The following TXLNB variants were observed in gnomAD, a reference collection of about 807,000 sequenced individuals.
The protein encoded by TXLNB is taxilin beta, also known as beta-taxilin.
TXLNB carries 37 observed loss-of-function variants against 57.4 expected under a neutral mutation model. The ratio of observed to expected loss-of-function variants is 0.64; its 90% CI spans 0.50 to 0.85. TXLNB has a LOEUF of 0.85. Among genes scored for constraint, TXLNB ranks in the 40% least tolerant of loss-of-function variants. The pLI is 0.00. For synonymous variants in TXLNB, 302 were observed against 309.6 expected, an observed-to-expected ratio of 0.98 and a Z score of 0.26; for missense variants, 848 against 825.6, an observed-to-expected ratio of 1.03 and a Z score of -0.33.
the TXLNB span, among the ~76,000 whole-genome samples, chr6:139,300,822 G>C: frequency 6.6e-6 from 1 of 152,174 alleles, no homozygotes; most frequent in Non-Finnish European, 1.5e-5. Context: ...TTGAATCAGG[G>C]AGGCGGAGGT....
chr6:139,201,397 G>C, the TXLNB span, among the ~76,000 whole-genome samples: 2 of 152,242 alleles, frequency 1.3e-5, no homozygotes, highest in East Asian at 3.9e-4. Context: ...TCCCCAAATA[G>C]GCCAGTGTTA....
chr6:139,206,082 C>T, the TXLNB span, among the ~76,000 whole-genome samples: 1 of 152,124 alleles, frequency 6.6e-6, no homozygotes, highest in Non-Finnish European at 1.5e-5. Context: ...AACTAAGCTT[C>T]GTAAATGAAG....
At chr6:139,167,280 C>T in the TXLNB span, 5 of 1,611,746 alleles carry the variant, frequency 3.1e-6, no homozygotes, top group Non-Finnish European at 3.4e-6. Context: ...CTAAGCCCGT[C>T]GAGACATGAT....
chr6:139,200,243 G>A, the TXLNB span, among the ~76,000 whole-genome samples: 2 of 151,998 alleles, frequency 1.3e-5, no homozygotes, highest in Non-Finnish European at 2.9e-5. Flanking sequence ...CTCTTCCAGT[G>A]TCTTCTGTTT....
intron 3 of TXLNB, among the ~76,000 whole-genome samples, chr6:139,276,442 T>A (rs1383630843): frequency 6.6e-6 from 1 of 152,222 alleles, no homozygotes; most frequent in Non-Finnish European, 1.5e-5. Flanking sequence ...AAGGAGCTAG[T>A]GAGGTGCTAA....
At chr6:139,295,579 T>TG (rs140715736), upstream of TXLNB, among the ~76,000 whole-genome samples, 24,072 of 150,802 alleles carry the variant, frequency 0.16, 2,003 homozygotes, top group South Asian at 0.2. Context: ...AGATATTTTT[T>TG]GGGGGGGGGA....
rs757809927 is a variant in TXLNB at position 139,244,730 on chromosome 6, T to TTAATATATCA, written c.1171-50_1171-41dup. ...GTGAGTGTGTGTTAATCTTGAAAAG[T>TTAATATATCA]TAATATATCAAGGAAGCTATTAGCT... On this transcript the variant is annotated intron_variant, in intron 8 of 9. Transcript: ENST00000358430. The TTAATATATCA allele has an allele frequency of 2.9e-5, 42 of 1,437,816 alleles. No individual in the cohort carries two copies. The East Asian group carries it at 8.9e-4, about 30-fold the overall frequency. The allele number at this position is 1,437,816 out of a possible 1,614,324, so 89.1% of individuals were successfully genotyped here. A position where few individuals can be genotyped will look rare whatever the true frequency, so the allele number is the denominator to read the frequency against.
rs1451809637 is a variant in TXLNB at position 139,243,067 on chromosome 6, G to A, written c.1514C>T (p.Thr505Ile). The A allele has an allele frequency of 6.2e-7, 1 of 1,614,068 alleles. No homozygotes were observed. The highest frequency in any genetic ancestry group is 8.5e-7 in the Non-Finnish European group (1 of 1,180,042). Residue 505 changes from threonine (T) to isoleucine (I), a missense_variant, in exon 10 of 10, where the codon ACA becomes ATA. Thr to Ile is a moderately conservative substitution (Grantham distance 89). Coordinates refer to ENST00000358430, the MANE Select transcript of TXLNB (RefSeq NM_153235.4). ...TGGATGATGAATTATCATGAAGGCTGTGGCCAGATTTTTCACGGCGGTTTG... is the reference window on the plus strand; with the variant it reads ...TGGATGATGAATTATCATGAAGGCTATGGCCAGATTTTTCACGGCGGTTTG... Reference protein sequence around the residue: ...SVQTAVKNLATAFMIIHHPES... With the variant: ...SVQTAVKNLAIAFMIIHHPES...
the TXLNB span, among the ~76,000 whole-genome samples, chr6:139,181,182 C>T: frequency 4.6e-5 from 7 of 152,190 alleles, no homozygotes; most frequent in Non-Finnish European, 1.0e-4. Context: ...TCCTGATTTC[C>T]CTGAAATGCT....
the TXLNB span, among the ~76,000 whole-genome samples, chr6:139,213,814 A>G: frequency 1.2e-4 from 19 of 152,140 alleles, no homozygotes; most frequent in African/African-American, 4.1e-4. Context: ...CGATCCCACA[A>G]AAATACAAAC....
rs140744729 is a variant in TXLNB, at chr6:139,240,231, A to G, written c.*2295T>C. The G allele has an allele frequency of 1.4e-4, 21 of 152,784 alleles. No homozygotes were observed. Among genetic ancestry groups the G allele is most frequent in the African/African-American group, 5.1e-4 (21 of 41,582 alleles). The allele number at this position is 152,784 out of a possible 1,614,324, so 9.5% of individuals were successfully genotyped here. On this transcript the variant is annotated 3_prime_UTR_variant, in exon 10 of 10. Transcript: ENST00000358430. ...ATTTAGAACTTTATGAGTTATTGTT[A>G]TAATTAGTAAGGCTAAATTTTAACA...
At chr6:139,165,082 A>G in the TXLNB span, among the ~76,000 whole-genome samples, 2 of 152,174 alleles carry the variant, frequency 1.3e-5, no homozygotes, top group African/African-American at 2.4e-5. Flanking sequence ...CTTTATAAGC[A>G]TTTCTTATTT....
chr6:139,210,840 C>G, the TXLNB span, among the ~76,000 whole-genome samples: 5,653 of 152,366 alleles, frequency 0.037, 136 homozygotes, highest in Non-Finnish European at 0.054. Flanking sequence ...TTATATCCCG[C>G]GCCTAGCTCG....
At chr6:139,195,498 C>T in the TXLNB span, among the ~76,000 whole-genome samples, 1 of 152,100 alleles carries the variant, frequency 6.6e-6, no homozygotes, top group African/African-American at 2.4e-5. Flanking sequence ...ATGGAATTAT[C>T]CAGAATATGT....
At position 139,242,495 on chromosome 6, in the gene TXLNB, C is replaced by T. The variant is rs767460420; in HGVS notation, c.*31G>A. 34 of 1,458,780 alleles carry T rather than the reference C, an allele frequency of 2.3e-5. No homozygotes were observed. Among genetic ancestry groups the T allele is most frequent in the Non-Finnish European group, 3.0e-5 (33 of 1,104,910 alleles). 90.4% of individuals were successfully genotyped at this position (1,458,780 alleles called of 1,614,324 possible). A position where few individuals can be genotyped will look rare whatever the true frequency, so the allele number is the denominator to read the frequency against. On this transcript the variant is annotated 3_prime_UTR_variant, in exon 10 of 10. Transcript: ENST00000358430. ...CTGTTATGCTGAATATGCAAAGAGGCAGGAAGAAGCCTCTGAAGGCACGGT... is the reference window on the plus strand; with the variant it reads ...CTGTTATGCTGAATATGCAAAGAGGTAGGAAGAAGCCTCTGAAGGCACGGT...
At chr6:139,167,847 G>A in the TXLNB span, among the ~76,000 whole-genome samples, 1 of 152,134 alleles carries the variant, frequency 6.6e-6, no homozygotes, top group Non-Finnish European at 1.5e-5. Flanking sequence ...TGGTGGTGGT[G>A]GAAGGAGGGG....
chr6:139,190,309 C>T, the TXLNB span, among the ~76,000 whole-genome samples: 67,083 of 114,946 alleles, frequency 0.58, 21,061 homozygotes, highest in African/African-American at 0.65. Flanking sequence ...TTCTTTCTTT[C>T]TTTTTTTTTT....
At chr6:139,191,824 C>T in the TXLNB span, among the ~76,000 whole-genome samples, 4,266 of 152,136 alleles carry the variant, frequency 0.028, 197 homozygotes, top group African/African-American at 0.095. Flanking sequence ...ACCACAGGGA[C>T]GCGAGACAGA....
chr6:139,288,095 G>C (rs1475652796), intron 2 of TXLNB, among the ~76,000 whole-genome samples: 2 of 152,254 alleles, frequency 1.3e-5, no homozygotes, highest in Non-Finnish European at 2.9e-5. Flanking sequence ...AGAATGACTA[G>C]CTATTAGGCA....
Sources: gnomAD v4.1 joint callset for allele counts (sites outside exome capture counted in the v4.1 genomes callset) on GRCh38, gnomAD v4.1.1 for gene constraint, MANE v1.5 for transcripts, NCBI Gene and HGNC (gene_info 2026-07-23, HGNC 2026-07-21) for gene names.